The following ARHGEF3 variants were observed in gnomAD, a reference collection of about 807,000 sequenced individuals.
ARHGEF3 encodes the protein Rho guanine nucleotide exchange factor 3.
A neutral mutation model predicts 63.2 loss-of-function variants in ARHGEF3; 28 were observed. The ratio of observed to expected loss-of-function variants is 0.44; its 90% CI spans 0.33 to 0.61. ARHGEF3 has a LOEUF of 0.61. Ranked by LOEUF, ARHGEF3 falls within the 20% of genes least tolerant of loss-of-function variation. The pLI is 0.03. For missense variants in ARHGEF3, 533 were observed against 659.3 expected, an observed-to-expected ratio of 0.81 and a Z score of 2.10; for synonymous variants, 266 against 254.2, an observed-to-expected ratio of 1.05 and a Z score of -0.44.
chr3:56,972,577 T>C (rs1430531413), intron 2 of ARHGEF3, among the ~76,000 whole-genome samples: 1 of 151,474 alleles, frequency 6.6e-6, no homozygotes, highest in Admixed American at 6.6e-5. Flanking sequence ...TAGTATGGAG[T>C]GCCCAGGGCA....
At chr3:56,739,659 C>T (rs141531479) in intron 7 of ARHGEF3, among the ~76,000 whole-genome samples, 1,667 of 152,076 alleles carry the variant, frequency 0.011, 32 homozygotes, top group African/African-American at 0.038. Flanking sequence ...CTCGGCCTCC[C>T]AAAATGCTAG....
At chr3:56,751,899 C>T (rs1244407360) in intron 4 of ARHGEF3, among the ~76,000 whole-genome samples, 1 of 152,042 alleles carries the variant, frequency 6.6e-6, no homozygotes, top group African/African-American at 2.4e-5. Context: ...GAAAATTAAA[C>T]AACAAGAATA....
intron 8 of ARHGEF3, among the ~76,000 whole-genome samples, chr3:56,733,055 G>A (rs1333752274): frequency 3.3e-5 from 5 of 150,734 alleles, no homozygotes; most frequent in East Asian, 2.0e-4. Context: ...AGGCTGAGGC[G>A]GGCGGATCAC....
chr3:56,896,321 C>T (rs1480852456), intron 3 of ARHGEF3, among the ~76,000 whole-genome samples: 2 of 152,034 alleles, frequency 1.3e-5, no homozygotes, highest in African/African-American at 4.8e-5. Context: ...ATTTTTCTTC[C>T]TAATTATTTG....
At chr3:56,771,943 T>C (rs527426111) in intron 2 of ARHGEF3, among the ~76,000 whole-genome samples, 1 of 152,312 alleles carries the variant, frequency 6.6e-6, no homozygotes, top group East Asian at 1.9e-4. Flanking sequence ...TGTGCGGGAC[T>C]AGGGCAGTGA....
intron 1 of ARHGEF3, among the ~76,000 whole-genome samples, chr3:57,043,741 G>A (rs1704328240): frequency 6.6e-6 from 1 of 152,210 alleles, no homozygotes; most frequent in Admixed American, 6.5e-5. Flanking sequence ...ACAAGAGTGA[G>A]GAGGAGGGTG....
At chr3:57,009,972 C>CA (rs1702616451) in intron 2 of ARHGEF3, among the ~76,000 whole-genome samples, 1 of 152,176 alleles carries the variant, frequency 6.6e-6, no homozygotes, top group African/African-American at 2.4e-5. Context: ...GCCATGAACT[C>CA]AAACAAAGTC....
chr3:56,728,140 T>C lies in ARHGEF3; in HGVS notation c.*1130A>G, dbSNP rs531259779. 6.5e-6 allele frequency: 1 copy of C among 152,748 alleles called. No homozygotes were observed. The highest frequency in any genetic ancestry group is 2.1e-4 in the South Asian group (1 of 4,830). 9.5% of individuals were successfully genotyped at this position (152,748 alleles called of 1,614,324 possible). ...ACTAATCTGGCTAGCTGATTCTAATTAATCAGAGTTAATGAAATTGGCCTC... is the reference window on the plus strand; with the variant it reads ...ACTAATCTGGCTAGCTGATTCTAATCAATCAGAGTTAATGAAATTGGCCTC... On this transcript the variant is annotated 3_prime_UTR_variant, in exon 10 of 10. Transcript: ENST00000296315.
At chr3:56,735,902 C>T (rs1302570845) in intron 8 of ARHGEF3, among the ~76,000 whole-genome samples, 3 of 152,154 alleles carry the variant, frequency 2.0e-5, no homozygotes, top group African/African-American at 4.8e-5. Context: ...CTAGACTAAA[C>T]GGATGTCCCT....
At chr3:57,030,662 G>A (rs1263116977) in intron 2 of ARHGEF3, among the ~76,000 whole-genome samples, 2 of 152,114 alleles carry the variant, frequency 1.3e-5, no homozygotes, top group African/African-American at 2.4e-5. Context: ...TGAGGAAACT[G>A]TTCAGAAATT....
At chr3:56,820,758 GC>G (rs796691505) in intron 4 of ARHGEF3, among the ~76,000 whole-genome samples, 67 of 152,346 alleles carry the variant, frequency 4.4e-4, no homozygotes, top group African/African-American at 1.6e-3. Flanking sequence ...CACCAAATGT[GC>G]AGTCTGAAGT....
chr3:57,007,048 G>T, intron 2 of ARHGEF3: 1 of 795,172 alleles, frequency 1.3e-6, no homozygotes, highest in Non-Finnish European at 1.7e-6. Flanking sequence ...TGGTCACACT[G>T]TGCTCCTCAC....
chr3:56,941,427 C>G (rs1460963460), intron 3 of ARHGEF3, among the ~76,000 whole-genome samples: 1 of 152,192 alleles, frequency 6.6e-6, no homozygotes, highest in Non-Finnish European at 1.5e-5. Context: ...AGACTGGTCT[C>G]AAACTCCTGA....
chr3:56,790,644 G>A (rs963337173), intron 1 of ARHGEF3, among the ~76,000 whole-genome samples: 3 of 152,150 alleles, frequency 2.0e-5, no homozygotes, highest in Admixed American at 6.5e-5. Flanking sequence ...GCCTGGGGTC[G>A]TTCTTGAAAT....
Position 56,815,730 on chromosome 3 carries a change from A to C in ARHGEF3, c.193-41914T>G, listed in dbSNP as rs556026066. ...TACATAGTGCCTGTGTTATCTTTACAACAGCATTTGGTTCCTACACTGTCT... is the reference window on the plus strand; with the variant it reads ...TACATAGTGCCTGTGTTATCTTTACCACAGCATTTGGTTCCTACACTGTCT... On this transcript the variant is annotated intron_variant, in intron 4 of 12. Transcript: ENST00000338458. 3.9e-5 allele frequency among the ~76,000 whole-genome samples: 6 copies of C among 152,328 alleles called. No homozygotes were observed. In the South Asian group the frequency reaches 1.0e-3, roughly 26 times the overall value.
intron 3 of ARHGEF3, among the ~76,000 whole-genome samples, chr3:56,896,495 C>A (rs1045753922): frequency 2.6e-5 from 4 of 152,136 alleles, no homozygotes; most frequent in African/African-American, 9.7e-5. Flanking sequence ...AAAAAGGTGC[C>A]AACTATTCCA....
chr3:56,733,023 C>T (rs1578357837), intron 8 of ARHGEF3, among the ~76,000 whole-genome samples: 1 of 152,094 alleles, frequency 6.6e-6, no homozygotes, highest in East Asian at 1.9e-4. Context: ...GTGACTCACG[C>T]CTGTAATCCC....
chr3:56,877,032 C>A (rs1196023645), intron 4 of ARHGEF3, among the ~76,000 whole-genome samples: 1 of 152,224 alleles, frequency 6.6e-6, no homozygotes, highest in African/African-American at 2.4e-5. Flanking sequence ...CTCTAAAGTT[C>A]ATTTCCACTT....
intron 2 of ARHGEF3, among the ~76,000 whole-genome samples, chr3:56,998,885 G>C (rs1449828899): frequency 6.6e-6 from 1 of 152,156 alleles, no homozygotes; most frequent in East Asian, 1.9e-4. Context: ...ACGTTTTGCT[G>C]TTCTGGGCCC....
Sources: gnomAD v4.1 joint callset for allele counts (sites outside exome capture counted in the v4.1 genomes callset) on GRCh38, gnomAD v4.1.1 for gene constraint, MANE v1.5 for transcripts, NCBI Gene and HGNC (gene_info 2026-07-23, HGNC 2026-07-21) for gene names.